CDK11B: variants seen among roughly 807,000 people sequenced by gnomAD.
CDK11B encodes cyclin-dependent kinase 11B.
CDK11B carries 37 observed loss-of-function variants against 84.0 expected under a neutral mutation model. The ratio of observed to expected loss-of-function variants is 0.44; its 90% confidence interval spans 0.34 to 0.58. The LOEUF is 0.58. Among genes scored for constraint, CDK11B ranks in the 20% least tolerant of loss-of-function variants. The probability of loss-of-function intolerance (pLI) is 0.02; values close to 1 mark genes in which losing one functional copy is unlikely to be tolerated. For synonymous variants in CDK11B, 269 were observed against 309.8 expected (o/e 0.87, Z 1.38); for missense variants, 427 against 834.0 (o/e 0.51, Z 6.01).
intron 2 of CDK11B, among the ~76,000 whole-genome samples, chr1:1,656,802 C>T (rs889844911): frequency 1.6e-4 from 25 of 152,128 alleles, no homozygotes; most frequent in African/African-American, 6.0e-4. Context: ...ATGCTCAATG[C>T]AGAGTTGCTA....
intron 4 of CDK11B, 54 bp from the exon 5 acceptor site, chr1:1,649,691 G>C (rs1570174074): frequency 1.6e-5 from 25 of 1,584,116 alleles, no homozygotes; most frequent in East Asian, 6.7e-5. Context: ...AATTTCACAT[G>C]AAGCCGGGCA....
At chr1:1,650,396 T>C (rs879046380) in intron 4 of CDK11B, among the ~76,000 whole-genome samples, 1,674 of 144,558 alleles carry the variant, frequency 0.012, 12 homozygotes, top group Non-Finnish European at 0.014. Flanking sequence ...GATGGAGTCT[T>C]GCTCTGTCGC....
intron 14 of CDK11B, 89 bp from the exon 15 acceptor site, chr1:1,637,291 C>G (rs1232584752): frequency 6.4e-7 from 1 of 1,572,412 alleles, no homozygotes; most frequent in African/African-American, 1.4e-5. Flanking sequence ...GCAACAGAGG[C>G]TTCTCAGGGC....
At position 1,640,379 on chromosome 1, in the gene CDK11B, C is replaced by T. The variant is rs373436843; in HGVS notation, c.1149G>A (p.Pro383=). The change falls in exon 11 of 20, where the codon CCG becomes CCA. Residue 383 remains proline, a synonymous_variant. Transcript: ENST00000341832. ...CGCCCTCTGTCAGGGCGCTGCTCTG[C>T]GGCGTTCCCTCACCCACTTCTTCCT... ...EAEEEVGEGT[P]QSSALTEGDY... 248 of 1,613,666 alleles carry T rather than the reference C, an allele frequency of 1.5e-4. No individual in the cohort carries two copies. Among genetic ancestry groups the T allele is most frequent in the South Asian group, 1.3e-3 (115 of 91,070 alleles).
chr1:1,650,162 C>T (rs1170138224), intron 4 of CDK11B, among the ~76,000 whole-genome samples: 4 of 139,804 alleles, frequency 2.9e-5, no homozygotes, highest in East Asian at 2.4e-4. Context: ...CCCAGCTACT[C>T]GGGAGGCTGA....
At chr1:1,638,432 G>C (rs1350556932) in intron 12 of CDK11B, 68 bp downstream of exon 12, 1 of 1,191,578 alleles carries the variant, frequency 8.4e-7, no homozygotes, top group East Asian at 2.5e-5. Flanking sequence ...AGGTGCAGTC[G>C]CAGCTCTCGG....
intron 5 of CDK11B, among the ~76,000 whole-genome samples, chr1:1,648,551 G>A (rs1175627474): frequency 6.7e-6 from 1 of 149,742 alleles, no homozygotes; most frequent in East Asian, 2.0e-4. Context: ...TCTTCCTGGA[G>A]CAGCTTGCAA....
chr1:1,656,312 G>A (rs1642738664), intron 2 of CDK11B, among the ~76,000 whole-genome samples: 4 of 152,166 alleles, frequency 2.6e-5, no homozygotes, highest in Admixed American at 2.0e-4. Context: ...CCAACAAGGT[G>A]AAAGCTCGTC....
intron 5 of CDK11B, chr1:1,645,722 C>G (rs372591848): frequency 1.2e-4 from 39 of 332,560 alleles, no homozygotes; most frequent in South Asian, 7.4e-4. Context: ...TCTTTCCATT[C>G]GATCGGTGTT....
chr1:1,654,535 G>A (rs1294677576), intron 3 of CDK11B, among the ~76,000 whole-genome samples: 13 of 152,086 alleles, frequency 8.5e-5, no homozygotes, highest in South Asian at 2.1e-4. Context: ...TGCCTGCCTC[G>A]GCCTCCCAAA....
In CDK11B at chr1:1,651,329, G is replaced by A. The variant is rs1218429845; in HGVS notation, c.355+1110C>T. 7.9e-4 allele frequency among the ~76,000 whole-genome samples: 121 copies of A among 152,244 alleles called. 1 individual carries two copies. Among genetic ancestry groups the A allele is most frequent in the African/African-American group, 2.8e-3 (118 of 41,476 alleles). On this transcript the variant is annotated intron_variant, in intron 4 of 19. Transcript: ENST00000341832. ...AAAAATGGACTAGCCATTCTGAATG[G>A]TCTGTGACACACGCACGCTTTCAGC...
chr1:1,637,954 TGAG>T (rs1639634930), intron 12 of CDK11B, 71 bp from the exon 13 acceptor site: 1 of 1,596,592 alleles, frequency 6.3e-7, no homozygotes, highest in Non-Finnish European at 8.6e-7. Flanking sequence ...ACTCGTTCAG[TGAG>T]GACCGCAGGC....
At chr1:1,646,561 G>C (rs1557694917) in intron 5 of CDK11B, 2 of 517,346 alleles carry the variant, frequency 3.9e-6, no homozygotes, top group African/African-American at 1.9e-5. Flanking sequence ...TGTGAGGAGA[G>C]ATAGTTACAG....
chr1:1,657,217 A>T, intron 2 of CDK11B, 158 bp downstream of exon 2: 1 of 1,613,958 alleles, frequency 6.2e-7, no homozygotes, highest in Non-Finnish European at 8.5e-7. Flanking sequence ...TGAATATTTG[A>T]ATGTTTTTGT....
At chr1:1,647,393 T>TCCATCTCC (rs1351986364) in intron 5 of CDK11B, among the ~76,000 whole-genome samples, 1 of 152,300 alleles carries the variant, frequency 6.6e-6, no homozygotes, top group African/African-American at 2.4e-5. Flanking sequence ...GTCCGTGAAA[T>TCCATCTCC]CCATCTCCCT....
intron 6 of CDK11B, among the ~76,000 whole-genome samples, chr1:1,644,821 G>A (rs1269130032): frequency 2.0e-5 from 3 of 151,748 alleles, no homozygotes; most frequent in African/African-American, 4.9e-5. Context: ...GTGAAACCCT[G>A]TCTCTACTAA....
intron 12 of CDK11B, among the ~76,000 whole-genome samples, chr1:1,638,285 G>C (rs1050123177): frequency 6.6e-6 from 1 of 151,890 alleles, no homozygotes; most frequent in Non-Finnish European, 1.5e-5. Context: ...ACCACTCCAC[G>C]CGCTGGGCCT....
At chr1:1,656,463 C>T (rs1642761386) in intron 2 of CDK11B, among the ~76,000 whole-genome samples, 1 of 152,100 alleles carries the variant, frequency 6.6e-6, no homozygotes, top group African/African-American at 2.4e-5. Flanking sequence ...TGCACTCCAG[C>T]CTGGGCAATG....
chr1:1,649,304 T>C (rs1482546477), intron 5 of CDK11B, among the ~76,000 whole-genome samples, 195 bp downstream of exon 5: 16 of 151,960 alleles, frequency 1.1e-4, no homozygotes, highest in Non-Finnish European at 2.1e-4. Flanking sequence ...GGTTTCACCA[T>C]GTCAGCCAGG....
Sources: allele counts gnomAD v4.1 joint callset (sites outside exome capture counted in the v4.1 genomes callset), GRCh38; gene constraint gnomAD v4.1.1; transcripts MANE v1.5; gene names NCBI Gene and HGNC (gene_info 2026-07-23, HGNC 2026-07-21).